Variants in TOPORS observed in about 807,000 individuals in gnomAD.
The protein encoded by TOPORS is E3 ubiquitin-protein ligase Topors.
In TOPORS, 25 loss-of-function variants were observed where a neutral mutation model predicts 81.4. That is an observed-to-expected ratio of 0.31 (90% confidence interval 0.22 to 0.43). The LOEUF (loss-of-function observed/expected upper bound fraction) is 0.43, where lower values mean the gene tolerates loss of function less well. Ranked by LOEUF, TOPORS falls within the 20% of genes least tolerant of loss-of-function variation. The pLI, the probability that TOPORS is intolerant of heterozygous loss-of-function variation, is 1.00. For missense variants in TOPORS, 1,101 were observed against 1,267.0 expected, an observed-to-expected ratio of 0.87 and a Z score of 1.99; for synonymous variants, 473 against 456.6, an observed-to-expected ratio of 1.04 and a Z score of -0.46.
intron 2 of TOPORS, among the ~76,000 whole-genome samples, chr9:32,549,604 T>C (rs628425): frequency 0.27 from 41,648 of 152,098 alleles, 6,499 homozygotes; most frequent in African/African-American, 0.42. Flanking sequence ...CTATGTTACG[T>C]GAACACGAAG....
chr9:32,543,116 T>C lies in TOPORS; in HGVS notation c.1409A>G (p.Asp470Gly). Residue 470 changes from aspartate to glycine, a missense_variant, in exon 3 of 3, where the codon GAC (aspartate) becomes GGC (glycine). Coordinates refer to ENST00000360538, the MANE Select transcript of TOPORS (RefSeq NM_005802.5). This position sits in a 1 kb window ranked among gnomAD's most constrained non-coding sequence, Gnocchi z 5.6. The stretch of plus-strand genomic sequence containing the variant: ...ACAATTATCTGAAGAATCATCACTG[T>C]CATTATTTAGGTCGTCATTGGTTTG... Reference protein sequence around the residue: ...GVQTNDDLNNDSDDSSDNCVI... With the variant: ...GVQTNDDLNNGSDDSSDNCVI... 1 of 1,614,096 alleles carries C rather than the reference T, an allele frequency of 6.2e-7. No homozygotes were observed. The highest frequency in any genetic ancestry group is 8.5e-7 in the Non-Finnish European group (1 of 1,180,014).
Position 32,541,689 on chromosome 9 carries a change from G to T in TOPORS, c.2836C>A (p.Pro946Thr). The T allele has an allele frequency of 6.2e-7, 1 of 1,614,116 alleles. No individual in the cohort carries two copies. Among genetic ancestry groups the T allele is most frequent in the South Asian group, 1.1e-5 (1 of 91,074 alleles). Reference protein sequence around the residue: ...QNEFLAPSLEPFETKDVVTIE... With the variant: ...QNEFLAPSLETFETKDVVTIE... ...GTAACTACATCTTTAGTTTCAAATGGTTCCAAGGAAGGAGCCAAAAACTCA... is the reference window on the plus strand; with the variant it reads ...GTAACTACATCTTTAGTTTCAAATGTTTCCAAGGAAGGAGCCAAAAACTCA... The change falls in exon 3 of 3, where the codon CCA becomes ACA. Residue 946 changes from proline to threonine, a missense_variant. Pro to Thr is a conservative substitution (Grantham distance 38). Transcript: ENST00000360538.
At chr9:32,550,199 C>A (rs957889262) in intron 2 of TOPORS, among the ~76,000 whole-genome samples, 1 of 152,170 alleles carries the variant, frequency 6.6e-6, no homozygotes, top group Non-Finnish European at 1.5e-5. Flanking sequence ...CCCTTCCAGC[C>A]TACAATCAGC....
intron 2 of TOPORS, 83 bp downstream of exon 2, chr9:32,550,691 T>G: frequency 6.5e-7 from 1 of 1,533,832 alleles, no homozygotes; most frequent in South Asian, 1.1e-5. Flanking sequence ...AACCCTCGGG[T>G]CCCGAGGCGC....
intron 1 of TOPORS, 35 bp from the exon 2 acceptor site, chr9:32,551,003 C>A (rs1301206941): frequency 6.2e-7 from 1 of 1,603,988 alleles, no homozygotes; most frequent in Non-Finnish European, 8.5e-7. Context: ...AATGGCAGCT[C>A]GGAAGCAGGG....
At position 32,540,578 on chromosome 9, in the gene TOPORS, T is replaced by A. The variant is rs1289582821; in HGVS notation, c.*809A>T. On this transcript the variant is annotated 3_prime_UTR_variant, in exon 3 of 3. Transcript: ENST00000360538. ...GGTTTTTCATGTTTATTTAGCAAGT[T>A]AAATGCTGTTTTTACTGATGATAGA... 2.0e-5 allele frequency: 3 copies of A among 152,310 alleles called. No individual in the cohort carries two copies. The highest frequency in any genetic ancestry group is 4.4e-5 in the Non-Finnish European group (3 of 68,034). 9.4% of individuals were successfully genotyped at this position (152,310 alleles called of 1,614,324 possible).
chr9:32,550,737 C>A, intron 2 of TOPORS, 37 bp downstream of exon 2: 1 of 1,611,194 alleles, frequency 6.2e-7, no homozygotes, highest in Non-Finnish European at 8.5e-7. Flanking sequence ...CACGGCCCTT[C>A]CGACCCCCGC....
intron 2 of TOPORS, among the ~76,000 whole-genome samples, chr9:32,547,157 A>T (rs1476540759): frequency 6.6e-6 from 1 of 152,272 alleles, no homozygotes; most frequent in Non-Finnish European, 1.5e-5. Context: ...CCTTGAGGCC[A>T]GGAATTTGAA....
At position 32,552,537 on chromosome 9, in the gene TOPORS, A is replaced by G; in HGVS notation, c.-101T>C. The G allele has an allele frequency of 6.7e-7, 1 of 1,493,688 alleles. No individual in the cohort carries two copies. Among genetic ancestry groups the G allele is most frequent in the Admixed American group, 1.9e-5 (1 of 51,726 alleles). 92.5% of individuals were successfully genotyped at this position (1,493,688 alleles called of 1,614,324 possible). On this transcript the variant is annotated 5_prime_UTR_variant, in exon 1 of 3. Transcript: ENST00000360538. ...TCGACTCACTGGGCCCGCAGGCGGA[A>G]AGGCCCTATTTCTTCAGCACCCAGA...
chr9:32,541,678 A>C lies in TOPORS; in HGVS notation c.2847T>G (p.Thr949=). Residue 949 remains threonine, a synonymous_variant, in exon 3 of 3, where the codon ACT becomes ACG. Transcript: ENST00000360538. ...CAGCTTCTATTGTAACTACATCTTT[A>C]GTTTCAAATGGTTCCAAGGAAGGAG... ...FLAPSLEPFE[T]KDVVTIEAEF... 6.2e-7 allele frequency: 1 copy of C among 1,614,066 alleles called. No homozygotes were observed. The highest frequency in any genetic ancestry group is 2.2e-5 in the East Asian group (1 of 44,890).
In TOPORS at chr9:32,551,167, A is replaced by G. The variant is rs900334198; in HGVS notation, c.4-199T>C. 1.2e-5 allele frequency: 8 copies of G among 660,374 alleles called. No homozygotes were observed. In the African/African-American group the frequency reaches 1.4e-4, roughly 12 times the overall value. 40.9% of individuals were successfully genotyped at this position (660,374 alleles called of 1,614,324 possible). A position where few individuals can be genotyped will look rare whatever the true frequency, so the allele number is the denominator to read the frequency against. On this transcript the variant is annotated intron_variant, in intron 1 of 2. Transcript: ENST00000360538. The stretch of plus-strand genomic sequence containing the variant: ...CCCCCGCCGCTCCAGACCCCGGAGG[A>G]GGGCAGCGCGACCCTCCCCATCTTG...
At chr9:32,550,651 G>A (rs1474414164) in intron 2 of TOPORS, 123 bp downstream of exon 2, 1 of 1,136,316 alleles carries the variant, frequency 8.8e-7, no homozygotes, top group Non-Finnish European at 1.3e-6. Flanking sequence ...GGCCCGCCGA[G>A]GCCCGGACAG....
At chr9:32,551,094 G>A in intron 1 of TOPORS, 126 bp from the exon 2 acceptor site, 1 of 1,199,876 alleles carries the variant, frequency 8.3e-7, no homozygotes, top group Non-Finnish European at 1.2e-6. Flanking sequence ...GCAGATGGAC[G>A]CCGGCCTCGG....
chr9:32,548,898 G>C (rs902113045), intron 2 of TOPORS, among the ~76,000 whole-genome samples: 1 of 152,148 alleles, frequency 6.6e-6, no homozygotes, highest in East Asian at 1.9e-4. Context: ...AATGGATGGG[G>C]GAGATAAAGA....
At position 32,544,245 on chromosome 9, in the gene TOPORS, G is replaced by T. The variant is rs1821113398; in HGVS notation, c.280C>A (p.Pro94Thr). Reference sequence around the variant, plus strand: ...TTAGAATCAGGAGATGCATCAGCTGGTACTGTCTGTTGCAATTTGCTAGTG... The same window carrying T: ...TTAGAATCAGGAGATGCATCAGCTGTTACTGTCTGTTGCAATTTGCTAGTG... Reference protein sequence around the residue: ...AGTSKLQQTVPADASPDSKCP... With the variant: ...AGTSKLQQTVTADASPDSKCP... The change falls in exon 3 of 3, where the codon CCA (proline) becomes ACA (threonine). Residue 94 changes from proline (P) to threonine (T), a missense_variant. By Grantham distance (38) the Pro-to-Thr change is conservative. Coordinates refer to ENST00000360538, the MANE Select transcript of TOPORS (RefSeq NM_005802.5). The T allele has an allele frequency of 1.2e-6, 2 of 1,609,294 alleles. No homozygotes were observed. The highest frequency in any genetic ancestry group is 1.7e-6 in the Non-Finnish European group (2 of 1,179,986).
Position 32,552,545 on chromosome 9 carries a change from AT to A in TOPORS, c.-110del. The A allele has an allele frequency of 7.0e-7, 1 of 1,433,784 alleles. No homozygotes were observed. Among genetic ancestry groups the A allele is most frequent in the South Asian group, 1.2e-5 (1 of 82,364 alleles). The allele number at this position is 1,433,784 out of a possible 1,614,324, so 88.8% of individuals were successfully genotyped here. On this transcript the variant is annotated 5_prime_UTR_variant, in exon 1 of 3. Coordinates refer to ENST00000360538, the MANE Select transcript of TOPORS (RefSeq NM_005802.5). ...CTGGGCCCGCAGGCGGAAAGGCCCT[AT>A]TTCTTCAGCACCCAGAAACTCCAAA...
chr9:32,545,392 T>C (rs989473682), intron 2 of TOPORS, among the ~76,000 whole-genome samples: 4 of 151,132 alleles, frequency 2.6e-5, no homozygotes, highest in Non-Finnish European at 5.9e-5. Flanking sequence ...TTGCTAGAGC[T>C]TGAAATCTAG....
chr9:32,542,544 A>G lies in TOPORS; in HGVS notation c.1981T>C (p.Ser661Pro). The G allele has an allele frequency of 6.2e-7, 1 of 1,614,018 alleles. No homozygotes were observed. Among genetic ancestry groups the G allele is most frequent in the Middle Eastern group, 1.7e-4 (1 of 6,060 alleles). ...SSWSRRSQTL[S>P]LSSESTSRSR... ...CTGCTTGTGCTTTCACTACTTAGAG[A>G]CAGAGTTTGGCTTCTTCTGGACCAA... Residue 661 changes from serine to proline, a missense_variant, in exon 3 of 3, where the codon TCT becomes CCT. Ser to Pro is a moderately conservative substitution (Grantham distance 74). This residue lies in a region of TOPORS where 605 missense variants were observed against 636.1 expected (regional missense o/e 0.95). Transcript: ENST00000360538.
In TOPORS at chr9:32,549,026, A is replaced by G. The variant is rs536934107; in HGVS notation, c.198+1748T>C. Among the ~76,000 whole-genome samples, 5 of 152,084 alleles carry G rather than the reference A, an allele frequency of 3.3e-5. No individual in the cohort carries two copies. In the East Asian group the frequency reaches 9.7e-4, roughly 30 times the overall value. On this transcript the variant is annotated intron_variant, in intron 2 of 2. Coordinates refer to ENST00000360538, the MANE Select transcript of TOPORS (RefSeq NM_005802.5). Reference sequence around the variant, plus strand: ...GTTAGACTTACTACAAAAGTCATCTATGGCCGGGCGTGGTGGCTCATGCCT... The same window carrying G: ...GTTAGACTTACTACAAAAGTCATCTGTGGCCGGGCGTGGTGGCTCATGCCT...
Sources: gnomAD v4.1 joint callset for allele counts (sites outside exome capture counted in the v4.1 genomes callset) on GRCh38, gnomAD v4.1.1 for gene constraint, gnomAD v4.1.1 regional missense constraint, Gnocchi (gnomAD v3.1) non-coding constraint, MANE v1.5 for transcripts, NCBI Gene and HGNC (gene_info 2026-07-23, HGNC 2026-07-21) for gene names.